CFAP210: variants seen among roughly 807,000 people sequenced by gnomAD.
CFAP210 encodes cilia- and flagella- associated protein 210.
At chr2:169,649,301 T>C in the CFAP210 span, 3 of 1,613,384 alleles carry the variant, frequency 1.9e-6, no homozygotes, top group East Asian at 2.2e-5. Flanking sequence ...AATTGTTCTT[T>C]AGCCTCTATT....
chr2:169,660,604 A>AT, the CFAP210 span, among the ~76,000 whole-genome samples: 790 of 121,702 alleles, frequency 6.5e-3, 2 homozygotes, highest in Middle Eastern at 0.034. Flanking sequence ...ATATATATAT[A>AT]TTTTTTTTTT....
the CFAP210 span, among the ~76,000 whole-genome samples, chr2:169,684,671 T>TTGTTGA: frequency 6.6e-6 from 1 of 152,134 alleles, no homozygotes; most frequent in Non-Finnish European, 1.5e-5. Flanking sequence ...GTTGTTGTTG[T>TTGTTGA]TGAGATGAGT....
chr2:169,684,782 A>C, the CFAP210 span, among the ~76,000 whole-genome samples: 1 of 152,074 alleles, frequency 6.6e-6, no homozygotes, highest in African/African-American at 2.4e-5. Context: ...CCTCCCAAGT[A>C]GCTGGGACTA....
chr2:169,683,111 G>A, the CFAP210 span, among the ~76,000 whole-genome samples: 1 of 152,130 alleles, frequency 6.6e-6, no homozygotes, highest in South Asian at 2.1e-4. Context: ...ATTAAGGCAG[G>A]TAGAGGTGAG....
chr2:169,658,273 T>G, the CFAP210 span: 2 of 152,418 alleles, frequency 1.3e-5, no homozygotes, highest in Admixed American at 6.5e-5. Context: ...TGGCTACCAT[T>G]TGTACAACAT....
the CFAP210 span, among the ~76,000 whole-genome samples, chr2:169,671,228 T>A: frequency 6.6e-6 from 1 of 152,194 alleles, no homozygotes; most frequent in Admixed American, 6.5e-5. Context: ...ATCCACCATA[T>A]TCTATCCCAC....
At chr2:169,650,517 T>C in the CFAP210 span, 12 of 1,558,494 alleles carry the variant, frequency 7.7e-6, no homozygotes, top group Non-Finnish European at 8.6e-7. Context: ...CGTTTCTCCA[T>C]AAGCCTATAA....
chr2:169,646,320 A>G, the CFAP210 span: 2 of 645,624 alleles, frequency 3.1e-6, no homozygotes, highest in Admixed American at 2.9e-5. Context: ...ACAACTATAT[A>G]CTATCATTTA....
chr2:169,681,272 G>T, the CFAP210 span: 1 of 1,449,534 alleles, frequency 6.9e-7, no homozygotes, highest in South Asian at 1.2e-5. Context: ...AGACTTACGG[G>T]AACAGTTTAA....
At chr2:169,671,958 T>C in the CFAP210 span, among the ~76,000 whole-genome samples, 21 of 152,240 alleles carry the variant, frequency 1.4e-4, no homozygotes, top group African/African-American at 5.1e-4. Flanking sequence ...AAAGGGAAAG[T>C]AACTCTCCTT....
chr2:169,681,014 G>C, the CFAP210 span: 1 of 1,613,482 alleles, frequency 6.2e-7, no homozygotes, highest in South Asian at 1.1e-5. Flanking sequence ...TACTGCATAT[G>C]TATTAGTCCA....
At chr2:169,690,324 T>C in the CFAP210 span, among the ~76,000 whole-genome samples, 3 of 152,224 alleles carry the variant, frequency 2.0e-5, no homozygotes, top group African/African-American at 7.2e-5. Context: ...TTTTAAAAAG[T>C]TTTTGAAGGA....
the CFAP210 span, among the ~76,000 whole-genome samples, chr2:169,685,689 T>C: frequency 6.7e-6 from 1 of 149,192 alleles, no homozygotes; most frequent in Non-Finnish European, 1.5e-5. Context: ...TAATCCAAGA[T>C]AATAAAGATG....
chr2:169,647,565 TTC>T, the CFAP210 span, among the ~76,000 whole-genome samples: 1 of 152,190 alleles, frequency 6.6e-6, no homozygotes, highest in Non-Finnish European at 1.5e-5. Context: ...TTCTGTTTTT[TTC>T]TTTAAAAATT....
At chr2:169,665,865 C>T in the CFAP210 span, among the ~76,000 whole-genome samples, 1 of 152,204 alleles carries the variant, frequency 6.6e-6, no homozygotes, top group South Asian at 2.1e-4. Context: ...CTTCTTTTGG[C>T]TTTTTCTTGC....
the CFAP210 span, among the ~76,000 whole-genome samples, chr2:169,679,662 C>A: frequency 1.9e-5 from 2 of 107,934 alleles, no homozygotes; most frequent in Non-Finnish European, 3.4e-5. Flanking sequence ...GCCTGGGTGA[C>A]AGAACGAGAC....
chr2:169,656,377 A>AGG, the CFAP210 span, among the ~76,000 whole-genome samples: 39,051 of 148,672 alleles, frequency 0.26, 5,244 homozygotes, highest in Non-Finnish European at 0.3. Flanking sequence ...AAGAAAGAGG[A>AGG]AAGAGGAGGA....
At chr2:169,670,678 G>A in the CFAP210 span, among the ~76,000 whole-genome samples, 1 of 152,142 alleles carries the variant, frequency 6.6e-6, no homozygotes, top group African/African-American at 2.4e-5. Context: ...TCAGGTCCTT[G>A]CCACATGGAC....
At chr2:169,650,181 C>T in the CFAP210 span, 1 of 791,044 alleles carries the variant, frequency 1.3e-6, no homozygotes, top group Non-Finnish European at 1.8e-6. Context: ...TAAACATTGT[C>T]CAATTTCAAA....
Sources: gnomAD v4.1 joint callset for allele counts (sites outside exome capture counted in the v4.1 genomes callset) on GRCh38, gnomAD v4.1.1 for gene constraint, MANE v1.5 for transcripts, NCBI Gene and HGNC (gene_info 2026-07-23, HGNC 2026-07-21) for gene names.